ATRNL1: variants seen among roughly 807,000 people sequenced by gnomAD.
ATRNL1 encodes attractin like 1, also known as attractin-like protein 1.
In ATRNL1, 95 loss-of-function variants were observed where a neutral mutation model predicts 182.7. The observed-to-expected ratio is 0.52, with a 90% CI of 0.44 to 0.62. ATRNL1 has a LOEUF of 0.62. ATRNL1 is among the 20% of genes least tolerant of loss of function. ATRNL1 has a pLI of 0.00. For synonymous variants in ATRNL1, 576 were observed against 568.3 expected, an observed-to-expected ratio of 1.01 and a Z score of -0.19; for missense variants, 1,471 against 1,679.5, an observed-to-expected ratio of 0.88 and a Z score of 2.17.
At chr10:115,451,155 A>G (rs533488615) in intron 21 of ATRNL1, among the ~76,000 whole-genome samples, 15 of 152,270 alleles carry the variant, frequency 9.9e-5, no homozygotes, top group African/African-American at 2.9e-4. Flanking sequence ...AAAACACAAA[A>G]CTATAAAAAT....
Position 115,257,169 on chromosome 10 carries a change from C to G in ATRNL1, c.1688-8024C>G, listed in dbSNP as rs542258659. Among the ~76,000 whole-genome samples, 4 of 152,242 alleles carry G rather than the reference C, an allele frequency of 2.6e-5. No homozygotes were observed. In the South Asian group the frequency reaches 8.3e-4, roughly 32 times the overall value. On this transcript the variant is annotated intron_variant, in intron 10 of 28. Coordinates refer to ENST00000355044, the MANE Select transcript of ATRNL1 (RefSeq NM_207303.4). ...GGTTTGCTTGTTGCAGAGCTGAGTT[C>G]AAGTCCTGGATATCCTTGTTAACCT...
intron 19 of ATRNL1, among the ~76,000 whole-genome samples, chr10:115,393,091 A>G (rs1205755272): frequency 1.3e-5 from 2 of 152,104 alleles, no homozygotes; most frequent in Non-Finnish European, 2.9e-5. Context: ...GAGGACAGAC[A>G]ACCACTCCCT....
chr10:115,548,168 C>G (rs996390183), intron 25 of ATRNL1, among the ~76,000 whole-genome samples: 2 of 152,140 alleles, frequency 1.3e-5, no homozygotes, highest in Non-Finnish European at 2.9e-5. Context: ...CCTCTTTTCT[C>G]AAATAAGAAT....
At chr10:115,611,199 G>A (rs1387816576) in intron 26 of ATRNL1, among the ~76,000 whole-genome samples, 8 of 151,996 alleles carry the variant, frequency 5.3e-5, no homozygotes, top group African/African-American at 1.9e-4. Context: ...AATAATACAT[G>A]TGACATAAAT....
At chr10:115,846,147 T>C (rs1208044667) in intron 27 of ATRNL1, among the ~76,000 whole-genome samples, 1 of 152,028 alleles carries the variant, frequency 6.6e-6, no homozygotes, top group African/African-American at 2.4e-5. Context: ...TTGATACAAG[T>C]ATTGCAACAT....
At chr10:115,736,989 T>G (rs1947970389) in intron 27 of ATRNL1, among the ~76,000 whole-genome samples, 2 of 152,170 alleles carry the variant, frequency 1.3e-5, no homozygotes, top group South Asian at 4.2e-4. Flanking sequence ...ATATTAACTT[T>G]TACCCTCAGG....
intron 20 of ATRNL1, among the ~76,000 whole-genome samples, chr10:115,402,410 G>A (rs1554957215): frequency 6.6e-6 from 1 of 151,992 alleles, no homozygotes; most frequent in Non-Finnish European, 1.5e-5. Flanking sequence ...CATAATTATG[G>A]AAATAATGAA....
chr10:115,671,959 A>T (rs1378125297), intron 26 of ATRNL1, among the ~76,000 whole-genome samples: 1 of 152,148 alleles, frequency 6.6e-6, no homozygotes, highest in African/African-American at 2.4e-5. Flanking sequence ...AGATTTATAA[A>T]GAAATAAACA....
chr10:115,507,424 G>C (rs59934995), intron 24 of ATRNL1, among the ~76,000 whole-genome samples: 7,084 of 152,006 alleles, frequency 0.047, 527 homozygotes, highest in African/African-American at 0.16. Context: ...AATCAAATGC[G>C]TGATTGCAAA....
chr10:115,508,800 C>T (rs908873606), intron 24 of ATRNL1, among the ~76,000 whole-genome samples: 4 of 151,906 alleles, frequency 2.6e-5, no homozygotes, highest in Non-Finnish European at 2.9e-5. Flanking sequence ...AACAAAAGTG[C>T]GAGGTGAAGC....
intron 25 of ATRNL1, among the ~76,000 whole-genome samples, chr10:115,535,386 CCA>C (rs1351933064): frequency 4.6e-5 from 7 of 151,712 alleles, no homozygotes; most frequent in African/African-American, 1.7e-4. Flanking sequence ...ACCCTTTCTT[CCA>C]GTTGATCGCA....
At chr10:115,894,966 TA>T (rs1477768365) in intron 28 of ATRNL1, among the ~76,000 whole-genome samples, 6 of 152,228 alleles carry the variant, frequency 3.9e-5, no homozygotes, top group Non-Finnish European at 8.8e-5. Context: ...CTGTGTGTGG[TA>T]ATTCTAGTTT....
chr10:115,918,506 T>C (rs1041008679), intron 28 of ATRNL1, among the ~76,000 whole-genome samples: 2 of 152,190 alleles, frequency 1.3e-5, no homozygotes, highest in African/African-American at 2.4e-5. Context: ...CCAGGAAAAG[T>C]TTAAATAATT....
chr10:115,443,640 A>G (rs1393013174), intron 21 of ATRNL1, among the ~76,000 whole-genome samples: 2 of 151,976 alleles, frequency 1.3e-5, no homozygotes, highest in African/African-American at 4.8e-5. Flanking sequence ...AAATTCTTTT[A>G]TAAAACCACA....
chr10:115,566,063 A>T (rs1265445929), intron 26 of ATRNL1, among the ~76,000 whole-genome samples: 2 of 152,126 alleles, frequency 1.3e-5, no homozygotes, highest in Non-Finnish European at 2.9e-5. Flanking sequence ...TTGTTTAAAC[A>T]ATTCTATACG....
At chr10:115,617,525 A>G (rs1555021221) in intron 26 of ATRNL1, among the ~76,000 whole-genome samples, 1 of 151,924 alleles carries the variant, frequency 6.6e-6, no homozygotes, top group Non-Finnish European at 1.5e-5. Context: ...ACACCCAGCT[A>G]ATTTTTGTAT....
chr10:115,517,243 G>A (rs527307530), intron 24 of ATRNL1, among the ~76,000 whole-genome samples: 1 of 151,814 alleles, frequency 6.6e-6, no homozygotes, highest in East Asian at 1.9e-4. Flanking sequence ...TATTTTTGGT[G>A]CATATTGTTT....
At chr10:115,777,645 T>A (rs1031601362) in intron 27 of ATRNL1, among the ~76,000 whole-genome samples, 7 of 152,132 alleles carry the variant, frequency 4.6e-5, no homozygotes, top group Non-Finnish European at 7.4e-5. Flanking sequence ...TCTAACTGAA[T>A]ATACTGTTTT....
At chr10:115,517,522 G>A (rs900055471) in intron 24 of ATRNL1, among the ~76,000 whole-genome samples, 9 of 151,640 alleles carry the variant, frequency 5.9e-5, no homozygotes, top group Non-Finnish European at 1.0e-4. Context: ...CAATTGCACT[G>A]TATCTTATTC....
Sources: gnomAD v4.1 joint callset for allele counts (sites outside exome capture counted in the v4.1 genomes callset) on GRCh38, gnomAD v4.1.1 for gene constraint, MANE v1.5 for transcripts, NCBI Gene and HGNC (gene_info 2026-07-23, HGNC 2026-07-21) for gene names.